Variants in UHRF2 observed in about 807,000 individuals in gnomAD.
UHRF2 encodes the protein E3 ubiquitin-protein ligase UHRF2.
UHRF2 carries 23 observed loss-of-function variants against 96.8 expected under a neutral mutation model. The ratio of observed to expected loss-of-function variants is 0.24; its 90% CI spans 0.17 to 0.34. The LOEUF (loss-of-function observed/expected upper bound fraction) is 0.34. UHRF2 is among the 10% of genes least tolerant of loss of function. UHRF2 has a pLI of 1.00. For synonymous variants in UHRF2, 385 were observed against 332.6 expected (o/e 1.16, Z -1.72); for missense variants, 685 against 981.5 (o/e 0.70, Z 4.04).
intron 2 of UHRF2, among the ~76,000 whole-genome samples, chr9:6,424,625 T>G (rs1024198086): frequency 3.9e-5 from 6 of 152,184 alleles, no homozygotes; most frequent in African/African-American, 1.4e-4. Context: ...CTTAAGATCT[T>G]AAGTTAGTGT....
intron 2 of UHRF2, 80 bp from the exon 3 acceptor site, chr9:6,433,834 C>CA: frequency 6.9e-7 from 1 of 1,458,626 alleles, no homozygotes; most frequent in South Asian, 1.3e-5. Context: ...TGATAACCCA[C>CA]AAATAACTTG....
chr9:6,446,175 A>G (rs2130804170), intron 3 of UHRF2, among the ~76,000 whole-genome samples: 1 of 146,670 alleles, frequency 6.8e-6, no homozygotes, highest in Admixed American at 6.8e-5. Context: ...TTTTTTTTAT[A>G]CAGTCTTGCT....
At chr9:6,478,899 C>G (rs759212327) in intron 6 of UHRF2, among the ~76,000 whole-genome samples, 7 of 152,204 alleles carry the variant, frequency 4.6e-5, no homozygotes, top group Non-Finnish European at 1.0e-4. Context: ...TCGCTAATAA[C>G]TATTTCCTCT....
At chr9:6,429,456 G>T (rs1006084233) in intron 2 of UHRF2, among the ~76,000 whole-genome samples, 1 of 152,068 alleles carries the variant, frequency 6.6e-6, no homozygotes, top group Non-Finnish European at 1.5e-5. Context: ...GCACTGTCAT[G>T]CAGGCTGGAG....
At chr9:6,495,984 T>G (rs904799843) in intron 10 of UHRF2, 1 of 152,058 alleles carries the variant, frequency 6.6e-6, no homozygotes, top group African/African-American at 2.4e-5. Flanking sequence ...TTTTAATGCA[T>G]CTTCCTTTTA....
At chr9:6,470,976 A>C (rs1268889970) in intron 4 of UHRF2, among the ~76,000 whole-genome samples, 1 of 152,240 alleles carries the variant, frequency 6.6e-6, no homozygotes, top group East Asian at 1.9e-4. Context: ...AATGATCAAC[A>C]AACTAGATTA....
intron 9 of UHRF2, among the ~76,000 whole-genome samples, chr9:6,488,308 T>A (rs1431288661): frequency 2.3e-5 from 2 of 88,258 alleles, no homozygotes; most frequent in Non-Finnish European, 4.5e-5. Flanking sequence ...AAAAAAAAAA[T>A]GCGGGAAGGG....
intron 9 of UHRF2, 44 bp from the exon 10 acceptor site, chr9:6,493,782 T>C: frequency 2.7e-6 from 4 of 1,497,244 alleles, no homozygotes; most frequent in Non-Finnish European, 3.7e-6. Context: ...GATGAAATTA[T>C]ACTTGGGTTT....
chr9:6,464,459 G>GT (rs1014321509), intron 4 of UHRF2, among the ~76,000 whole-genome samples: 32 of 151,302 alleles, frequency 2.1e-4, no homozygotes, highest in Admixed American at 2.0e-4. Flanking sequence ...GTTCAAGAAA[G>GT]TTTTTTTTTC....
rs187979234 is a variant in UHRF2 at position 6,427,074 on chromosome 9, T to C, written c.384+5932T>C. 3.0e-3 allele frequency among the ~76,000 whole-genome samples: 463 copies of C among 152,282 alleles called. 2 individuals carry two copies. Among genetic ancestry groups the C allele is most frequent in the Non-Finnish European group, 5.1e-3 (346 of 68,016 alleles). On this transcript the variant is annotated intron_variant, in intron 2 of 15. Transcript: ENST00000276893. ...GAATTAGTTTGTTTTATATTTGCAT[T>C]GGGTTTTTTGTATTTCCCATAGTGC... is the stretch of plus-strand genomic sequence containing the variant.
intron 2 of UHRF2, among the ~76,000 whole-genome samples, chr9:6,432,051 C>A (rs1820586988): frequency 6.6e-6 from 1 of 152,068 alleles, no homozygotes; most frequent in Admixed American, 6.6e-5. Flanking sequence ...GACTAAATGT[C>A]TTTAAATTTG....
At chr9:6,427,406 G>T (rs1287268484) in intron 2 of UHRF2, among the ~76,000 whole-genome samples, 1 of 152,088 alleles carries the variant, frequency 6.6e-6, no homozygotes, top group Non-Finnish European at 1.5e-5. Flanking sequence ...GAAATTTTAG[G>T]CCAGGCACAG....
chr9:6,485,666 C>G (rs1249405186), intron 8 of UHRF2, among the ~76,000 whole-genome samples: 1 of 140,118 alleles, frequency 7.1e-6, no homozygotes, highest in Non-Finnish European at 1.5e-5. Context: ...CTTTACTCTG[C>G]TAAGAACAAT....
intron 4 of UHRF2, among the ~76,000 whole-genome samples, chr9:6,465,007 T>C (rs938941333): frequency 6.6e-6 from 1 of 152,222 alleles, no homozygotes; most frequent in Non-Finnish European, 1.5e-5. Flanking sequence ...TTTGGAATTA[T>C]AATCATCTGT....
intron 9 of UHRF2, chr9:6,492,590 A>C: frequency 6.4e-6 from 1 of 155,186 alleles, no homozygotes. Flanking sequence ...CAAGGGAAAA[A>C]CAAAGTATAA....
intron 3 of UHRF2, among the ~76,000 whole-genome samples, chr9:6,454,981 A>G (rs1822090464): frequency 1.3e-5 from 2 of 152,264 alleles, no homozygotes; most frequent in South Asian, 2.1e-4. Flanking sequence ...GATGATGTTG[A>G]TGCTGCTGAT....
intron 4 of UHRF2, among the ~76,000 whole-genome samples, chr9:6,463,068 G>A (rs1184678967): frequency 6.6e-6 from 1 of 152,144 alleles, no homozygotes; most frequent in Non-Finnish European, 1.5e-5. Flanking sequence ...GATCACCTGA[G>A]GTCAGGAGAT....
chr9:6,464,120 G>A (rs1051228812), intron 4 of UHRF2, among the ~76,000 whole-genome samples: 7 of 152,172 alleles, frequency 4.6e-5, no homozygotes, highest in Admixed American at 6.5e-5. Context: ...TCAGACTTCA[G>A]TTTCCACTAA....
chr9:6,436,957 A>G (rs187060467), intron 3 of UHRF2, among the ~76,000 whole-genome samples: 42 of 152,334 alleles, frequency 2.8e-4, no homozygotes, highest in African/African-American at 9.9e-4. Context: ...AGTAACAGGT[A>G]AATGTCACCT....
Sources: allele counts gnomAD v4.1 joint callset (sites outside exome capture counted in the v4.1 genomes callset), GRCh38; gene constraint gnomAD v4.1.1; transcripts MANE v1.5; gene names NCBI Gene and HGNC (gene_info 2026-07-23, HGNC 2026-07-21).